The following GFRA1 variants were observed in gnomAD, a reference collection of about 807,000 sequenced individuals.
GFRA1 encodes the protein GDNF family receptor alpha 1, also known as GDNF family receptor alpha-1.
A neutral mutation model predicts 51.6 loss-of-function variants in GFRA1; 16 were observed. The observed-to-expected ratio is 0.31, with a 90% CI of 0.21 to 0.47. The LOEUF is 0.47. Ranked by LOEUF, GFRA1 falls within the 20% of genes least tolerant of loss-of-function variation. GFRA1 has a pLI of 1.00. For synonymous variants in GFRA1, 270 were observed against 241.3 expected, an observed-to-expected ratio of 1.12 and a Z score of -1.10; for missense variants, 530 against 594.3, an observed-to-expected ratio of 0.89 and a Z score of 1.13.
intron 4 of GFRA1, among the ~76,000 whole-genome samples, chr10:116,213,267 G>A (rs1318407039): frequency 1.3e-5 from 2 of 152,162 alleles, no homozygotes; most frequent in Non-Finnish European, 2.9e-5. Flanking sequence ...CTGATTGTTT[G>A]GCAATAAGGA....
At chr10:116,266,698 C>T (rs531454010) in intron 4 of GFRA1, among the ~76,000 whole-genome samples, 7 of 152,252 alleles carry the variant, frequency 4.6e-5, no homozygotes, top group African/African-American at 9.6e-5. Context: ...AGCTGGCCTG[C>T]GAATGGGATC....
At chr10:116,083,823 A>G (rs1439352282) in intron 9 of GFRA1, among the ~76,000 whole-genome samples, 1 of 152,218 alleles carries the variant, frequency 6.6e-6, no homozygotes, top group African/African-American at 2.4e-5. Flanking sequence ...GGAAGGGACC[A>G]TCTAAATATA....
chr10:116,240,246 A>G (rs1357689809), intron 4 of GFRA1, among the ~76,000 whole-genome samples: 1 of 152,054 alleles, frequency 6.6e-6, no homozygotes, highest in Non-Finnish European at 1.5e-5. Flanking sequence ...TACTCCCATT[A>G]TGGTGACCCA....
intron 5 of GFRA1, among the ~76,000 whole-genome samples, chr10:116,125,859 A>C (rs1957850508): frequency 6.6e-6 from 1 of 152,240 alleles, no homozygotes. Context: ...ACAGGAGAAT[A>C]AGCTTCCAGC....
In GFRA1 at chr10:116,102,621, G is replaced by A. The variant is rs187361207; in HGVS notation, c.771-5857C>T. ...GAAGGTGAAAGCCACATCTTACATGGTGGCAGGCAAGAGAAGAATGAGAAC... is the reference window on the plus strand; with the variant it reads ...GAAGGTGAAAGCCACATCTTACATGATGGCAGGCAAGAGAAGAATGAGAAC... On this transcript the variant is annotated intron_variant, in intron 6 of 10. Coordinates refer to ENST00000355422, the MANE Select transcript of GFRA1 (RefSeq NM_005264.8). Among the ~76,000 whole-genome samples the A allele has an allele frequency of 7.8e-3, 1,186 of 152,288 alleles. 18 individuals carry two copies. The highest frequency in any genetic ancestry group is 0.017 in the Middle Eastern group (5 of 294).
Position 116,270,999 on chromosome 10 carries a change from C to T in GFRA1, c.157G>A (p.Val53Met), listed in dbSNP as rs773100388. 21 of 1,614,248 alleles carry T rather than the reference C, an allele frequency of 1.3e-5. No homozygotes were observed. In the South Asian group the frequency reaches 1.8e-4, roughly 14 times the overall value. ...STKYRTLRQC[V>M]AGKETNFSLA... ...CTGAAGTTGGTCTCCTTGCCCGCCA[C>T]GCACTGCCTTAGCGTGCGGTACTTG... Residue 53 changes from valine to methionine, a missense_variant, in exon 3 of 11, where the codon GTG (valine) becomes ATG (methionine). Transcript: ENST00000355422.
At chr10:116,116,594 T>C (rs1199158256) in intron 6 of GFRA1, among the ~76,000 whole-genome samples, 1 of 152,228 alleles carries the variant, frequency 6.6e-6, no homozygotes, top group Admixed American at 6.5e-5. Flanking sequence ...CAGCAGATTG[T>C]GCCCAATAAA....
intron 3 of GFRA1, 74 bp downstream of exon 3, chr10:116,270,748 G>T: frequency 8.0e-7 from 1 of 1,252,446 alleles, no homozygotes; most frequent in Non-Finnish European, 1.1e-6. Flanking sequence ...GATGAGATCA[G>T]CTGGCCCAGG....
At chr10:116,209,935 T>G (rs1965061410) in intron 5 of GFRA1, among the ~76,000 whole-genome samples, 1 of 152,106 alleles carries the variant, frequency 6.6e-6, no homozygotes, top group Non-Finnish European at 1.5e-5. Context: ...TTCCTTCCAT[T>G]TGAAATCCGA....
At chr10:116,209,841 G>A (rs1965053256) in intron 5 of GFRA1, among the ~76,000 whole-genome samples, 1 of 151,964 alleles carries the variant, frequency 6.6e-6, no homozygotes, top group South Asian at 2.1e-4. Context: ...CGAGTTCTTT[G>A]CCATTATTTT....
At chr10:116,163,904 T>G (rs147376344) in intron 5 of GFRA1, among the ~76,000 whole-genome samples, 1 of 152,300 alleles carries the variant, frequency 6.6e-6, no homozygotes, top group Non-Finnish European at 1.5e-5. Context: ...ACCACGGAGA[T>G]GTTAGACATG....
intron 6 of GFRA1, among the ~76,000 whole-genome samples, chr10:116,121,307 T>C (rs576583086): frequency 3.9e-5 from 6 of 152,112 alleles, no homozygotes; most frequent in African/African-American, 1.2e-4. Flanking sequence ...GGGGGAAGAC[T>C]GTGAGGCTTT....
intron 6 of GFRA1, among the ~76,000 whole-genome samples, chr10:116,109,365 G>C (rs958242238): frequency 2.1e-4 from 32 of 152,196 alleles, no homozygotes; most frequent in African/African-American, 7.2e-4. Context: ...TGATTTAGGT[G>C]GATATGTGAT....
chr10:116,135,996 C>T (rs963795003), intron 5 of GFRA1, among the ~76,000 whole-genome samples: 10 of 151,998 alleles, frequency 6.6e-5, no homozygotes, highest in African/African-American at 2.2e-4. Context: ...GTTATGGATA[C>T]TTTTTTTCCC....
chr10:116,185,529 T>C (rs1962625078), intron 5 of GFRA1, among the ~76,000 whole-genome samples: 1 of 152,008 alleles, frequency 6.6e-6, no homozygotes, highest in African/African-American at 2.4e-5. Context: ...ACACCTCCAC[T>C]CCCCACTGAG....
chr10:116,096,019 T>C (rs1437434726), intron 7 of GFRA1, among the ~76,000 whole-genome samples: 1 of 152,098 alleles, frequency 6.6e-6, no homozygotes, highest in East Asian at 1.9e-4. Flanking sequence ...ACGGCAGTCA[T>C]GCGTAATCAC....
At chr10:116,198,194 C>T (rs931653789) in intron 5 of GFRA1, among the ~76,000 whole-genome samples, 1 of 151,976 alleles carries the variant, frequency 6.6e-6, no homozygotes, top group Non-Finnish European at 1.5e-5. Flanking sequence ...CCCAACGCCC[C>T]CACACGATAC....
At chr10:116,251,272 G>C (rs1968331963) in intron 4 of GFRA1, among the ~76,000 whole-genome samples, 1 of 152,156 alleles carries the variant, frequency 6.6e-6, no homozygotes, top group South Asian at 2.1e-4. Flanking sequence ...TTTGTTGATG[G>C]ACCGAAGGAA....
Position 116,059,541 on chromosome 10 carries a change from C to T in GFRA1, c.*4857G>A, listed in dbSNP as rs1163868064. 1 of 152,304 alleles carries T rather than the reference C, an allele frequency of 6.6e-6. No homozygotes were observed. The highest frequency in any genetic ancestry group is 1.5e-5 in the Non-Finnish European group (1 of 68,104). 9.4% of individuals were successfully genotyped at this position (152,304 alleles called of 1,614,324 possible). A position where few individuals can be genotyped will look rare whatever the true frequency, so the allele number is the denominator to read the frequency against. On this transcript the variant is annotated 3_prime_UTR_variant, in exon 11 of 11. Coordinates refer to ENST00000355422, the MANE Select transcript of GFRA1 (RefSeq NM_005264.8). ...GCGCTGGTCAAATGAGCTTGGAGAC[C>T]TTAGGGGGCTGAGACCTCAACGACT...
Sources: allele counts gnomAD v4.1 joint callset (sites outside exome capture counted in the v4.1 genomes callset), GRCh38; gene constraint gnomAD v4.1.1; transcripts MANE v1.5; gene names NCBI Gene and HGNC (gene_info 2026-07-23, HGNC 2026-07-21).